The following NKAIN3 variants were observed in gnomAD, a reference collection of about 807,000 sequenced individuals.
NKAIN3 encodes sodium/potassium transporting ATPase interacting 3, also known as sodium/potassium-transporting ATPase subunit beta-1-interacting protein 3.
NKAIN3 carries 25 observed loss-of-function variants against 30.2 expected under a neutral mutation model. The observed-to-expected ratio is 0.83, with a 90% CI of 0.60 to 1.16. The LOEUF (loss-of-function observed/expected upper bound fraction) is 1.16, where lower values mean the gene tolerates loss of function less well. Ranked by LOEUF, NKAIN3 falls within the 50% of genes most tolerant of loss-of-function variation. The pLI is 0.00. For missense variants in NKAIN3, 225 were observed against 254.1 expected (o/e 0.89, Z 0.78); for synonymous variants, 91 against 89.6 (o/e 1.02, Z -0.09).
At chr8:62,673,009 TTA>T (rs778734936) in intron 3 of NKAIN3, among the ~76,000 whole-genome samples, 1 of 152,230 alleles carries the variant, frequency 6.6e-6, no homozygotes, top group Non-Finnish European at 1.5e-5. Flanking sequence ...CTATGTTATC[TTA>T]TTTATACTTT....
rs750418118 is a variant in NKAIN3, at chr8:62,353,731, T to C, written c.54+104604T>C. On this transcript the variant is annotated intron_variant, in intron 1 of 6. Coordinates refer to ENST00000623646, the MANE Select transcript of NKAIN3 (RefSeq NM_001304533.3). The stretch of plus-strand genomic sequence containing the variant: ...TAAATAAATAAATTTCCTACCCTTA[T>C]AGAGAATTTTTTGTCAAATGTGAGT... Among the ~76,000 whole-genome samples, 28 of 152,304 alleles carry C rather than the reference T, an allele frequency of 1.8e-4. 1 individual carries two copies. In the South Asian group the frequency reaches 5.4e-3, roughly 29 times the overall value.
At chr8:62,435,334 C>T (rs1805134823) in intron 1 of NKAIN3, among the ~76,000 whole-genome samples, 1 of 152,058 alleles carries the variant, frequency 6.6e-6, no homozygotes, top group African/African-American at 2.4e-5. Flanking sequence ...AGGTTATGGA[C>T]ACAATAAAAT....
chr8:62,676,668 T>C (rs1813487180), intron 3 of NKAIN3, among the ~76,000 whole-genome samples: 1 of 152,130 alleles, frequency 6.6e-6, no homozygotes, highest in African/African-American at 2.4e-5. Flanking sequence ...TTATATGAGG[T>C]TTATGTATCC....
intron 1 of NKAIN3, among the ~76,000 whole-genome samples, chr8:62,367,948 G>T (rs1816789736): frequency 6.6e-6 from 1 of 151,876 alleles, no homozygotes; most frequent in Admixed American, 6.6e-5. Flanking sequence ...ATCATAAAAA[G>T]AAAGTAAGAA....
At chr8:62,865,070 T>C in intron 4 of NKAIN3, among the ~76,000 whole-genome samples, 1 of 152,130 alleles carries the variant, frequency 6.6e-6, no homozygotes, top group East Asian at 1.9e-4. Flanking sequence ...CGTTTTCTTC[T>C]GGAAAAAAAT....
At chr8:62,603,553 T>A (rs1164667850) in intron 3 of NKAIN3, among the ~76,000 whole-genome samples, 1 of 152,086 alleles carries the variant, frequency 6.6e-6, no homozygotes, top group East Asian at 1.9e-4. Flanking sequence ...AAAACACAGA[T>A]AATATTAATC....
At chr8:62,789,947 C>A (rs964509241) in intron 4 of NKAIN3, among the ~76,000 whole-genome samples, 9 of 152,140 alleles carry the variant, frequency 5.9e-5, no homozygotes, top group African/African-American at 2.2e-4. Flanking sequence ...AGGGAATCCT[C>A]CCTAACTCAT....
chr8:62,384,727 C>T (rs1384789254), intron 1 of NKAIN3, among the ~76,000 whole-genome samples: 1 of 152,094 alleles, frequency 6.6e-6, no homozygotes. Flanking sequence ...AGGAAACTGA[C>T]ATAATATAAG....
chr8:62,396,257 C>T (rs1042938414), intron 1 of NKAIN3, among the ~76,000 whole-genome samples: 2 of 152,112 alleles, frequency 1.3e-5, no homozygotes, highest in East Asian at 3.9e-4. Context: ...AGAAGCTTCC[C>T]TTGTGTGATT....
intron 1 of NKAIN3, among the ~76,000 whole-genome samples, chr8:62,252,747 A>AT (rs988934534): frequency 4.6e-5 from 7 of 152,092 alleles, no homozygotes; most frequent in South Asian, 4.1e-4. Context: ...CCTTTAGTAC[A>AT]TTTTTTTTGT....
chr8:62,670,322 A>G (rs1813260928), intron 3 of NKAIN3, among the ~76,000 whole-genome samples: 1 of 152,178 alleles, frequency 6.6e-6, no homozygotes, highest in Admixed American at 6.6e-5. Context: ...CAATATAAAG[A>G]ACATCTAATC....
chr8:62,536,450 T>C (rs1808666068), intron 1 of NKAIN3, among the ~76,000 whole-genome samples: 1 of 152,250 alleles, frequency 6.6e-6, no homozygotes, highest in South Asian at 2.1e-4. Context: ...CAAGAGGAGA[T>C]AGGACCTTAT....
At chr8:62,704,620 A>T (rs1285861952) in intron 3 of NKAIN3, among the ~76,000 whole-genome samples, 1 of 152,192 alleles carries the variant, frequency 6.6e-6, no homozygotes, top group East Asian at 1.9e-4. Flanking sequence ...TAGTAAGATG[A>T]CAGATTTGGC....
chr8:62,773,780 A>G (rs1167533904), intron 4 of NKAIN3, among the ~76,000 whole-genome samples: 1 of 152,176 alleles, frequency 6.6e-6, no homozygotes, highest in Non-Finnish European at 1.5e-5. Context: ...CTCCCCAGCT[A>G]TGTGGAACTG....
intron 1 of NKAIN3, among the ~76,000 whole-genome samples, chr8:62,330,402 A>C (rs1314930564): frequency 6.6e-6 from 1 of 152,056 alleles, no homozygotes; most frequent in East Asian, 1.9e-4. Context: ...TGGGAGTCTA[A>C]GAGAGGGTAG....
chr8:62,287,870 A>G, intron 1 of NKAIN3, among the ~76,000 whole-genome samples: 1 of 152,140 alleles, frequency 6.6e-6, no homozygotes, highest in Non-Finnish European at 1.5e-5. Context: ...TTTGGGAAGC[A>G]CAGGCATCTC....
At chr8:62,925,840 C>T (rs918870384) in intron 5 of NKAIN3, among the ~76,000 whole-genome samples, 8 of 152,142 alleles carry the variant, frequency 5.3e-5, no homozygotes, top group African/African-American at 1.9e-4. Context: ...GACCTCTATG[C>T]TCCAGAGTTA....
chr8:62,932,903 C>T (rs2130873445), intron 5 of NKAIN3, among the ~76,000 whole-genome samples: 1 of 151,864 alleles, frequency 6.6e-6, no homozygotes. Context: ...AGAATTCCAA[C>T]ATTTATAGGC....
chr8:62,798,311 C>A (rs908998246), intron 4 of NKAIN3, among the ~76,000 whole-genome samples: 2 of 152,090 alleles, frequency 1.3e-5, no homozygotes, highest in African/African-American at 4.8e-5. Context: ...GTGGCTCATG[C>A]CTGTAATCCC....
Sources: gnomAD v4.1 joint callset for allele counts (sites outside exome capture counted in the v4.1 genomes callset) on GRCh38, gnomAD v4.1.1 for gene constraint, MANE v1.5 for transcripts, NCBI Gene and HGNC (gene_info 2026-07-23, HGNC 2026-07-21) for gene names.